The following EEA1 variants were observed in gnomAD, a reference collection of about 807,000 sequenced individuals.
EEA1 encodes early endosome antigen 1, 162kD.
A neutral mutation model predicts 209.2 loss-of-function variants in EEA1; 111 were observed. The observed-to-expected ratio is 0.53, with a 90% confidence interval of 0.45 to 0.62. EEA1 has a LOEUF of 0.62. Ranked by LOEUF, EEA1 falls within the 20% of genes least tolerant of loss-of-function variation. The pLI is 0.00. For synonymous variants in EEA1, 536 were observed against 540.6 expected (o/e 0.99, Z 0.12); for missense variants, 1,343 against 1,530.8 (o/e 0.88, Z 2.05).
intron 13 of EEA1, among the ~76,000 whole-genome samples, 195 bp from the exon 14 acceptor site, chr12:92,819,706 T>C (rs924508695): frequency 6.6e-6 from 1 of 152,148 alleles, no homozygotes; most frequent in Non-Finnish European, 1.5e-5. Context: ...TATATCATTA[T>C]AAGCTAGAAT....
chr12:92,884,181 C>A, intron 2 of EEA1: 1 of 1,380,074 alleles, frequency 7.2e-7, no homozygotes, highest in Non-Finnish European at 1.0e-6. Context: ...CAAATCATGA[C>A]TCACTGAGGC....
Position 92,778,083 on chromosome 12 carries a change from C to G in EEA1, c.3751G>C (p.Gly1251Arg). Residue 1251 changes from glycine to arginine, a missense_variant, in exon 26 of 29, where the codon GGC becomes CGC. By Grantham distance (125) the Gly-to-Arg change is moderately radical. Coordinates refer to ENST00000322349, the MANE Select transcript of EEA1 (RefSeq NM_003566.4). ...GATTGCCACTCCTTCTTCACAGTGCCTAAGTTTTCATTTAATGCTGTAATC... is the reference window on the plus strand; with the variant it reads ...GATTGCCACTCCTTCTTCACAGTGCGTAAGTTTTCATTTAATGCTGTAATC... ...MQITALNENL[G>R]TVKKEWQSSQ... 1 of 1,613,404 alleles carries G rather than the reference C, an allele frequency of 6.2e-7. No individual in the cohort carries two copies. Among genetic ancestry groups the G allele is most frequent in the African/African-American group, 1.3e-5 (1 of 74,968 alleles).
At chr12:92,823,008 G>C (rs1175075157) in intron 13 of EEA1, among the ~76,000 whole-genome samples, 1 of 152,006 alleles carries the variant, frequency 6.6e-6, no homozygotes, top group Non-Finnish European at 1.5e-5. Flanking sequence ...AAGTCAACCA[G>C]TGCTGTTTAT....
intron 1 of EEA1, among the ~76,000 whole-genome samples, chr12:92,899,951 A>G (rs1880079505): frequency 6.6e-6 from 1 of 151,988 alleles, no homozygotes; most frequent in African/African-American, 2.4e-5. Flanking sequence ...GTGAACTTCC[A>G]TTCTCCCTTG....
chr12:92,926,773 T>C (rs1421438140), intron 1 of EEA1, among the ~76,000 whole-genome samples: 1 of 152,178 alleles, frequency 6.6e-6, no homozygotes, highest in Non-Finnish European at 1.5e-5. Flanking sequence ...TGCTGTTCCC[T>C]CTGCCTGACA....
At chr12:92,778,255 T>G (rs530809966) in intron 25 of EEA1, 76 bp from the exon 26 acceptor site, 3 of 1,184,222 alleles carry the variant, frequency 2.5e-6, no homozygotes, top group Non-Finnish European at 3.6e-6. Flanking sequence ...TTATTACATT[T>G]AAAATACTGG....
In EEA1 at chr12:92,802,596, C is replaced by T. The variant is rs1199784875; in HGVS notation, c.2478G>A (p.Gln826=). Residue 826 remains glutamine, a synonymous_variant, in exon 19 of 29, where the codon CAG becomes CAA. Transcript: ENST00000322349. ...FETLSQETKI[Q]HEELNNRIQT... ...GAATTCTGTTATTCAATTCCTCATG[C>T]TGAATCTTTGTTTCTTGACTTAAAG... is the stretch of plus-strand genomic sequence containing the variant. 1 of 1,601,988 alleles carries T rather than the reference C, an allele frequency of 6.2e-7. No individual in the cohort carries two copies.
At position 92,832,812 on chromosome 12, in the gene EEA1, A is replaced by G. The variant is rs527938343; in HGVS notation, c.954T>C (p.Tyr318=). Residue 318 remains tyrosine, a synonymous_variant, in exon 11 of 29, where the codon TAT becomes TAC. Transcript: ENST00000322349. ...CATTATGTTTCTCCTCTAACTTAGT[A>G]TAGTCTTGTTCTTTTTTCAGCAAGT... is the stretch of plus-strand genomic sequence containing the variant. The part of the protein sequence containing the change: ...TENLLKKEQD[Y]TKLEEKHNEE... 1.2e-4 allele frequency: 191 copies of G among 1,612,844 alleles called. 2 individuals are homozygous for G. In the South Asian group the frequency reaches 2.0e-3, roughly 17 times the overall value.
chr12:92,924,357 G>A (rs752907812), intron 1 of EEA1, among the ~76,000 whole-genome samples: 2 of 151,712 alleles, frequency 1.3e-5, no homozygotes, highest in South Asian at 2.1e-4. Context: ...ACAGGTGCCC[G>A]CCACCACGCC....
chr12:92,780,266 T>A lies in EEA1; in HGVS notation c.3468+14A>T, dbSNP rs779171522. 6 of 1,583,966 alleles carry A rather than the reference T, an allele frequency of 3.8e-6. No individual in the cohort carries two copies. Among genetic ancestry groups the A allele is most frequent in the Admixed American group, 2.0e-5 (1 of 51,144 alleles). On this transcript the variant is annotated intron_variant, in intron 24 of 28. Coordinates refer to ENST00000322349, the MANE Select transcript of EEA1 (RefSeq NM_003566.4). ...ATAACACAGAAGGCAGGAGAAATGA[T>A]TATCTTAACATACCTTTATGCTTTC...
intron 3 of EEA1, chr12:92,858,576 G>A (rs532016752): frequency 6.4e-5 from 48 of 752,306 alleles, no homozygotes; most frequent in Non-Finnish European, 1.1e-4. Flanking sequence ...AAGCCAAACT[G>A]GCAGAACTAC....
At chr12:92,884,294 G>C (rs1879288354) in intron 2 of EEA1, 2 of 1,381,568 alleles carry the variant, frequency 1.4e-6, no homozygotes, top group Non-Finnish European at 2.0e-6. Flanking sequence ...CCACAACTGT[G>C]AAGTTAGGAA....
intron 22 of EEA1, among the ~76,000 whole-genome samples, chr12:92,785,558 T>A (rs1486799425): frequency 6.6e-6 from 1 of 152,236 alleles, no homozygotes; most frequent in East Asian, 1.9e-4. Flanking sequence ...CTATTTTTTT[T>A]AATTAGCTTC....
rs780634695 is a variant in EEA1, at chr12:92,826,187, C to G, written c.1503G>C (p.Thr501=). The change falls in exon 13 of 29, where the codon ACG becomes ACC. Residue 501 remains threonine, a synonymous_variant. Transcript: ENST00000322349. ...TTACCTGAGCTTCTCGAAGTTTTGC[C>G]GTGGTGCTTTGCTGAAGAGCCTGTT... ...QEQQALQQST[T]AKLREAQNDL... is the part of the protein sequence containing the mutation. The G allele has an allele frequency of 6.2e-7, 1 of 1,612,930 alleles. No individual in the cohort carries two copies. Among genetic ancestry groups the G allele is most frequent in the East Asian group, 2.2e-5 (1 of 44,824 alleles).
chr12:92,912,618 T>C (rs1027589302), intron 1 of EEA1, among the ~76,000 whole-genome samples: 3 of 152,184 alleles, frequency 2.0e-5, no homozygotes, highest in Admixed American at 6.5e-5. Context: ...GATGGGCATA[T>C]TGTATAGTGG....
In EEA1 at chr12:92,809,523, T is replaced by TAAAA. The variant is rs57998627; in HGVS notation, c.2200-371_2200-368dup. On this transcript the variant is annotated intron_variant, in intron 17 of 28. Transcript: ENST00000322349. ...CAACATGGTGAAACCTTATCTCTAC[T>TAAAA]AAAAAAAAAAAAAAAAAAAAAATTA... Among the ~76,000 whole-genome samples, 540 of 106,994 alleles carry TAAAA rather than the reference T, an allele frequency of 5.0e-3. 5 individuals carry two copies. Among genetic ancestry groups the TAAAA allele is most frequent in the African/African-American group, 0.018 (499 of 27,740 alleles). The allele number at this position is 106,994 out of a possible 152,430, so 70.2% of individuals were successfully genotyped here.
chr12:92,836,418 C>T (rs897511668), intron 10 of EEA1, among the ~76,000 whole-genome samples: 12 of 151,992 alleles, frequency 7.9e-5, no homozygotes, highest in Admixed American at 1.3e-4. Context: ...CCCTATATTA[C>T]GCTCCATTTT....
chr12:92,829,654 C>T (rs1054355273), intron 11 of EEA1, among the ~76,000 whole-genome samples: 2 of 151,678 alleles, frequency 1.3e-5, no homozygotes, highest in Non-Finnish European at 2.9e-5. Context: ...TAGCATGTGC[C>T]TGAAGTCCCG....
At chr12:92,858,596 G>A (rs1189165878) in intron 3 of EEA1, 1 of 745,042 alleles carries the variant, frequency 1.3e-6, no homozygotes. Flanking sequence ...CGCCATAATG[G>A]CACTTTGCCT....
Sources: allele counts gnomAD v4.1 joint callset (sites outside exome capture counted in the v4.1 genomes callset), GRCh38; gene constraint gnomAD v4.1.1; transcripts MANE v1.5; gene names NCBI Gene and HGNC (gene_info 2026-07-23, HGNC 2026-07-21).